LRP1B: variants seen among roughly 807,000 people sequenced by gnomAD.
LRP1B encodes the protein LDL receptor related protein 1B.
Under a neutral mutation model 556.6 loss-of-function variants are expected in LRP1B, and 217 were observed. The observed-to-expected ratio is 0.39, with a 90% CI of 0.35 to 0.44. LRP1B has a LOEUF of 0.44. LRP1B is among the 20% of genes least tolerant of loss of function. LRP1B has a pLI of 1.00. For synonymous variants in LRP1B, 2,047 were observed against 1,865.8 expected (o/e 1.10, Z -2.50); for missense variants, 5,053 against 5,620.8 (o/e 0.90, Z 3.23).
intron 2 of LRP1B, among the ~76,000 whole-genome samples, chr2:141,579,385 A>G (rs1212557261): frequency 6.6e-6 from 1 of 152,178 alleles, no homozygotes; most frequent in Non-Finnish European, 1.5e-5. Flanking sequence ...AGAGCCACTG[A>G]ACATTTTAAA....
At chr2:141,928,379 CAT>C (rs542020029) in intron 1 of LRP1B, among the ~76,000 whole-genome samples, 386 of 152,114 alleles carry the variant, frequency 2.5e-3, no homozygotes, top group Middle Eastern at 6.8e-3. Context: ...GGCATTGAAA[CAT>C]ATGAAAAATA....
At chr2:141,088,215 C>A (rs185509455) in intron 7 of LRP1B, among the ~76,000 whole-genome samples, 77 of 152,200 alleles carry the variant, frequency 5.1e-4, no homozygotes, top group African/African-American at 1.7e-3. Context: ...ACTCTTATTG[C>A]ACGAAGTAAT....
chr2:140,754,015 C>T (rs1247880854), intron 35 of LRP1B, among the ~76,000 whole-genome samples: 3 of 152,130 alleles, frequency 2.0e-5, no homozygotes, highest in African/African-American at 7.2e-5. Flanking sequence ...CCAAGAGAGG[C>T]AAACCAGAGG....
At chr2:140,315,147 T>C (rs1463401940) in intron 82 of LRP1B, 48 bp from the exon 83 acceptor site, 1 of 1,293,744 alleles carries the variant, frequency 7.7e-7, no homozygotes, top group East Asian at 2.5e-5. Context: ...CAGGGAGTAA[T>C]TTAATAAAAT....
chr2:140,658,753 G>A (rs1161919818), intron 41 of LRP1B, among the ~76,000 whole-genome samples: 1 of 151,706 alleles, frequency 6.6e-6, no homozygotes, highest in East Asian at 1.9e-4. Flanking sequence ...GGTTCTTTGC[G>A]GGTTCTGTAT....
chr2:140,416,354 C>A (rs1009938142), intron 66 of LRP1B, among the ~76,000 whole-genome samples: 4 of 152,064 alleles, frequency 2.6e-5, no homozygotes, highest in African/African-American at 9.7e-5. Flanking sequence ...TTTGAAGACT[C>A]ATATCAAAAC....
intron 1 of LRP1B, among the ~76,000 whole-genome samples, chr2:141,959,692 T>C (rs539004156): frequency 6.6e-6 from 1 of 152,066 alleles, no homozygotes; most frequent in East Asian, 1.9e-4. Context: ...CAACATACAA[T>C]TAAGATTTAA....
chr2:141,893,615 A>G (rs1053105770), intron 1 of LRP1B, among the ~76,000 whole-genome samples: 1 of 152,212 alleles, frequency 6.6e-6, no homozygotes, highest in Admixed American at 6.5e-5. Context: ...CTATTGCCAA[A>G]TGGATGAAGT....
intron 7 of LRP1B, among the ~76,000 whole-genome samples, chr2:141,157,764 A>G (rs959483218): frequency 3.9e-5 from 6 of 152,164 alleles, no homozygotes; most frequent in African/African-American, 1.4e-4. Flanking sequence ...AGAAAAGAAT[A>G]TAGGTAAAAG....
chr2:140,463,806 T>A (rs1195373948), intron 60 of LRP1B, among the ~76,000 whole-genome samples: 1 of 152,172 alleles, frequency 6.6e-6, no homozygotes. Context: ...AGAGTGATAT[T>A]GATCAAATGT....
intron 86 of LRP1B, among the ~76,000 whole-genome samples, chr2:140,269,972 AT>A (rs1433785425): frequency 1.3e-5 from 2 of 151,902 alleles, no homozygotes; most frequent in Non-Finnish European, 1.5e-5. Context: ...AATTATAACA[AT>A]TTTCTCTGGC....
chr2:140,370,640 T>G, intron 71 of LRP1B, 70 bp downstream of exon 71: 1 of 1,575,676 alleles, frequency 6.3e-7, no homozygotes, highest in South Asian at 1.1e-5. Context: ...TAGCATACAC[T>G]GTATATTCTG....
chr2:141,660,273 A>G (rs1237542934), intron 2 of LRP1B, among the ~76,000 whole-genome samples: 1 of 152,000 alleles, frequency 6.6e-6, no homozygotes, highest in Non-Finnish European at 1.5e-5. Flanking sequence ...TGACCATGCT[A>G]CCCTGCCCGG....
At chr2:141,194,060 A>G (rs1681640799) in intron 6 of LRP1B, among the ~76,000 whole-genome samples, 1 of 152,234 alleles carries the variant, frequency 6.6e-6, no homozygotes, top group African/African-American at 2.4e-5. Context: ...TTCATTGTCC[A>G]GTACAATATT....
At chr2:140,249,071 C>T (rs1681295630) in intron 86 of LRP1B, among the ~76,000 whole-genome samples, 2 of 151,304 alleles carry the variant, frequency 1.3e-5, no homozygotes, top group South Asian at 2.1e-4. Context: ...TCAGGTTCAT[C>T]TTAGATAAGT....
intron 7 of LRP1B, among the ~76,000 whole-genome samples, chr2:141,184,293 C>T (rs754396042): frequency 2.6e-5 from 4 of 152,002 alleles, no homozygotes; most frequent in Non-Finnish European, 5.9e-5. Flanking sequence ...CCTCAGAGGA[C>T]ATGCTAACCC....
chr2:140,645,699 C>T (rs1055658129), intron 41 of LRP1B, among the ~76,000 whole-genome samples: 3 of 151,650 alleles, frequency 2.0e-5, no homozygotes, highest in Non-Finnish European at 2.9e-5. Flanking sequence ...CCACGACGCC[C>T]GGCTAATTTT....
At chr2:141,686,018 A>C (rs915859397) in intron 2 of LRP1B, among the ~76,000 whole-genome samples, 4 of 152,074 alleles carry the variant, frequency 2.6e-5, no homozygotes, top group Non-Finnish European at 5.9e-5. Context: ...CAAATGTAGA[A>C]TAATTCAGTT....
intron 61 of LRP1B, among the ~76,000 whole-genome samples, chr2:140,456,970 T>C (rs557880150): frequency 6.6e-6 from 1 of 152,312 alleles, no homozygotes; most frequent in South Asian, 2.1e-4. Flanking sequence ...ACTACTAGTG[T>C]AATGACTTTG....
Sources: allele counts gnomAD v4.1 joint callset (sites outside exome capture counted in the v4.1 genomes callset), GRCh38; gene constraint gnomAD v4.1.1; transcripts MANE v1.5; gene names NCBI Gene and HGNC (gene_info 2026-07-23, HGNC 2026-07-21).